Variants in SLC12A3 observed in about 807,000 individuals in gnomAD.
SLC12A3 encodes the protein solute carrier family 12 member 3, also known as Na-Cl cotransporter.
Under a neutral mutation model 121.0 loss-of-function variants are expected in SLC12A3, and 104 were observed. That is an observed-to-expected ratio of 0.86 (90% CI 0.73 to 1.01). The LOEUF (loss-of-function observed/expected upper bound fraction) is 1.01. Ranked by LOEUF, SLC12A3 falls within the 50% of genes least tolerant of loss-of-function variation. The pLI, the probability that SLC12A3 is intolerant of heterozygous loss-of-function variation, is 0.00. For missense variants in SLC12A3, 1,328 were observed against 1,356.3 expected (o/e 0.98, Z 0.33); for synonymous variants, 536 against 533.4 (o/e 1.00, Z -0.07).
At chr16:56,893,972 TTTATTTATTTA>T (rs2055427207) in intron 21 of SLC12A3, among the ~76,000 whole-genome samples, 1 of 32,474 alleles carries the variant, frequency 3.1e-5, no homozygotes, top group African/African-American at 2.0e-4. Flanking sequence ...TTATTTTTAT[TTTATTTATTTA>T]TTTATTTATT....
At position 56,904,389 on chromosome 16, in the gene SLC12A3, G is replaced by T. The variant is rs117981500; in HGVS notation, c.2857-6G>T. ...GGAAGTGACCACTCGGCTTTCTCCCGCCCAGTCCCTTCGGCAGGTGAGGCT... is the reference window on the plus strand; with the variant it reads ...GGAAGTGACCACTCGGCTTTCTCCCTCCCAGTCCCTTCGGCAGGTGAGGCT... On this transcript the variant is annotated splice_polypyrimidine_tract_variant and splice_region_variant and intron_variant, in intron 24 of 25. Transcript: ENST00000563236. The T allele has an allele frequency of 6.2e-7, 1 of 1,613,556 alleles. No homozygotes were observed. The highest frequency in any genetic ancestry group is 8.5e-7 in the Non-Finnish European group (1 of 1,179,528).
Position 56,872,340 on chromosome 16 carries a change from GC to G in SLC12A3, c.853-6del. ...AACTATCTGACCTCTGGGGTCCTTC[GC>G]CCCCTCCAGGCCCAGGTGCTGTTCT... On this transcript the variant is annotated splice_polypyrimidine_tract_variant and intron_variant, in intron 6 of 25. Coordinates refer to ENST00000563236, the MANE Select transcript of SLC12A3 (RefSeq NM_001126108.2). The G allele has an allele frequency of 6.2e-7, 1 of 1,602,962 alleles. No homozygotes were observed. The highest frequency in any genetic ancestry group is 8.5e-7 in the Non-Finnish European group (1 of 1,170,364).
chr16:56,878,154 C>T lies in SLC12A3; in HGVS notation c.1173C>T (p.Ala391=), dbSNP rs1420127396. 6 of 1,611,514 alleles carry T rather than the reference C, an allele frequency of 3.7e-6. No individual in the cohort carries two copies. The highest frequency in any genetic ancestry group is 4.2e-6 in the Non-Finnish European group (5 of 1,179,470). ...CCATTTCCTACCTGGCCATCTCAGC[C>T]ACCATTGGTAAGTGGCCGGCCCAGC... ...WTTISYLAIS[A]TIGSCVVRDA... is the part of the protein sequence containing the mutation. Residue 391 remains alanine (A), a synonymous_variant, in exon 9 of 26, where the codon GCC becomes GCT. Coordinates refer to ENST00000563236, the MANE Select transcript of SLC12A3 (RefSeq NM_001126108.2).
intron 25 of SLC12A3, chr16:56,906,628 A>C: frequency 2.7e-6 from 1 of 370,844 alleles, no homozygotes; most frequent in Non-Finnish European, 5.0e-6. Context: ...CACCCTGGGA[A>C]GGCAACAGTA....
In SLC12A3 at chr16:56,886,487, C is replaced by A. The variant is rs760302022; in HGVS notation, c.2037+12C>A. ...GCCACGTGCTCATCGTGAGTGGCCC[C>A]TGGAGGGGCACAGGGGACCAGGCAT... On this transcript the variant is annotated intron_variant, in intron 16 of 25. Coordinates refer to ENST00000563236, the MANE Select transcript of SLC12A3 (RefSeq NM_001126108.2). 6.2e-7 allele frequency: 1 copy of A among 1,607,148 alleles called. No homozygotes were observed. The highest frequency in any genetic ancestry group is 8.5e-7 in the Non-Finnish European group (1 of 1,173,962).
Position 56,887,798 on chromosome 16 carries a change from ATTTTT to A in SLC12A3, c.2179-111_2179-107del, listed in dbSNP as rs1211988197. On this transcript the variant is annotated intron_variant, in intron 17 of 25. Coordinates refer to ENST00000563236, the MANE Select transcript of SLC12A3 (RefSeq NM_001126108.2). ...TATATATATATATATATATATATATATTTTTTTTTTTTTTTTTTTTGAGAATCAGC... is the reference window on the plus strand; with the variant it reads ...TATATATATATATATATATATATATATTTTTTTTTTTTTTTGAGAATCAGC... The A allele has an allele frequency of 1.5e-3, 104 of 68,486 alleles. 10 individuals are homozygous for A. The highest frequency in any genetic ancestry group is 3.7e-3 in the South Asian group (10 of 2,676). 4.2% of individuals were successfully genotyped at this position (68,486 alleles called of 1,614,324 possible).
intron 25 of SLC12A3, among the ~76,000 whole-genome samples, chr16:56,912,075 C>T (rs572857802): frequency 2.0e-4 from 30 of 152,392 alleles, no homozygotes; most frequent in African/African-American, 7.0e-4. Context: ...ATCCTCCTCC[C>T]GCCCCAGTTC....
intron 23 of SLC12A3, among the ~76,000 whole-genome samples, 167 bp downstream of exon 23, chr16:56,899,783 C>T (rs1453555435): frequency 6.6e-6 from 1 of 152,256 alleles, no homozygotes; most frequent in Non-Finnish European, 1.5e-5. Flanking sequence ...GTGGCCGGGG[C>T]CTGTCCCCTC....
intron 22 of SLC12A3, among the ~76,000 whole-genome samples, chr16:56,899,292 A>T (rs1395373951): frequency 6.6e-6 from 1 of 152,092 alleles, no homozygotes; most frequent in African/African-American, 2.4e-5. Context: ...AGGCAGGATC[A>T]CCCGAGGCCA....
At chr16:56,881,707 G>C (rs1252468213) in intron 12 of SLC12A3, among the ~76,000 whole-genome samples, 1 of 152,106 alleles carries the variant, frequency 6.6e-6, no homozygotes, top group African/African-American at 2.4e-5. Flanking sequence ...TGGGGTACCA[G>C]TGGGGTGGAG....
intron 16 of SLC12A3, among the ~76,000 whole-genome samples, chr16:56,886,688 A>AC (rs1433856501): frequency 5.3e-5 from 8 of 150,932 alleles, no homozygotes; most frequent in African/African-American, 2.0e-4. Context: ...CCAGCCAGGC[A>AC]CCCCCCATGG....
chr16:56,869,377 G>A (rs1964435926), intron 3 of SLC12A3, among the ~76,000 whole-genome samples: 1 of 152,114 alleles, frequency 6.6e-6, no homozygotes, highest in South Asian at 2.1e-4. Flanking sequence ...ACCCAGGCTG[G>A]AGTGCAGTCG....
At chr16:56,866,048 T>A (rs1964347543) in intron 1 of SLC12A3, among the ~76,000 whole-genome samples, 1 of 151,240 alleles carries the variant, frequency 6.6e-6, no homozygotes, top group African/African-American at 2.4e-5. Flanking sequence ...TGCAGTGGTG[T>A]GATCTCGGCT....
At chr16:56,885,839 A>G (rs2055303753) in intron 15 of SLC12A3, among the ~76,000 whole-genome samples, 1 of 152,172 alleles carries the variant, frequency 6.6e-6, no homozygotes, top group South Asian at 2.1e-4. Context: ...CCTTACAAGA[A>G]CCGGCTGAGG....
At chr16:56,868,412 G>GAATCCC in intron 3 of SLC12A3, 40 bp downstream of exon 3, 1 of 1,566,564 alleles carries the variant, frequency 6.4e-7, no homozygotes, top group Admixed American at 1.7e-5. Context: ...GGGCTTGCCT[G>GAATCCC]AATCCCATTC....
At position 56,887,111 on chromosome 16, in the gene SLC12A3, C is replaced by T; in HGVS notation, c.2178+18C>T. On this transcript the variant is annotated intron_variant, in intron 17 of 25. Transcript: ENST00000563236. ...TCATGCAGGTGCCATGGACTGGGGG[C>T]TCCCCTACAGGACTTACGGCTTGGT... 1 of 1,613,768 alleles carries T rather than the reference C, an allele frequency of 6.2e-7. No individual in the cohort carries two copies. Among genetic ancestry groups the T allele is most frequent in the Non-Finnish European group, 8.5e-7 (1 of 1,180,006 alleles).
intron 12 of SLC12A3, among the ~76,000 whole-genome samples, chr16:56,881,313 A>G (rs929879597): frequency 1.6e-4 from 25 of 152,318 alleles, no homozygotes; most frequent in African/African-American, 5.8e-4. Context: ...GACCACATGA[A>G]GAGGTGGCAG....
Position 56,867,133 on chromosome 16 carries a change from G to A in SLC12A3, c.346G>A (p.Gly116Arg), listed in dbSNP as rs1300727360. 6.2e-7 allele frequency: 1 copy of A among 1,614,068 alleles called. No homozygotes were observed. The highest frequency in any genetic ancestry group is 2.2e-5 in the East Asian group (1 of 44,866). ...CCGGCCCAGCCACGAGATGACTGAT[G>A]GGCTGGTGGAGGGCGAGGCAGGCAC... ...DSRPSHEMTD[G>R]LVEGEAGTSS... The change falls in exon 2 of 26, where the codon GGG becomes AGG. Residue 116 changes from glycine (G) to arginine (R), a missense_variant. Coordinates refer to ENST00000563236, the MANE Select transcript of SLC12A3 (RefSeq NM_001126108.2).
intron 19 of SLC12A3, among the ~76,000 whole-genome samples, chr16:56,891,371 C>CA (rs35706137): frequency 0.21 from 15,615 of 73,606 alleles, 1,856 homozygotes; most frequent in African/African-American, 0.35. Context: ...GACCCTGTCT[C>CA]AAAAAAAAAA....
Sources: gnomAD v4.1 joint callset for allele counts (sites outside exome capture counted in the v4.1 genomes callset) on GRCh38, gnomAD v4.1.1 for gene constraint, MANE v1.5 for transcripts, NCBI Gene and HGNC (gene_info 2026-07-23, HGNC 2026-07-21) for gene names.